ACTL8: variants seen among roughly 807,000 people sequenced by gnomAD.
ACTL8 encodes actin like 8, also known as actin-like protein 8.
ACTL8 carries 3 observed loss-of-function variants against 9.3 expected under a neutral mutation model. The ratio of observed to expected loss-of-function variants is 0.32; its 90% CI spans 0.15 to 0.83. ACTL8 has a LOEUF of 0.83. Ranked by LOEUF, ACTL8 falls within the 40% of genes least tolerant of loss-of-function variation. ACTL8 has a pLI of 0.57. For missense variants in ACTL8, 381 were observed against 492.2 expected (o/e 0.77, Z 2.14); for synonymous variants, 224 against 205.9 (o/e 1.09, Z -0.75).
At chr1:17,802,718 C>T (rs1449801488) in intron 1 of ACTL8, among the ~76,000 whole-genome samples, 8 of 152,154 alleles carry the variant, frequency 5.3e-5, no homozygotes, top group African/African-American at 1.9e-4. Flanking sequence ...CATGGCGGCT[C>T]ATACCTGTAA....
At position 17,768,954 on chromosome 1, in the gene ACTL8, A is replaced by G. The variant is rs932768140; in HGVS notation, c.-25+13450A>G. Among the ~76,000 whole-genome samples, 5 of 152,266 alleles carry G rather than the reference A, an allele frequency of 3.3e-5. No homozygotes were observed. The East Asian group carries it at 9.6e-4, about 29-fold the overall frequency. ...ACATCCCTCCTATGTGCCTGACACTATACTAATAGTGCTTTGTTGTAGCCT... is the reference window on the plus strand; with the variant it reads ...ACATCCCTCCTATGTGCCTGACACTGTACTAATAGTGCTTTGTTGTAGCCT... On this transcript the variant is annotated intron_variant, in intron 1 of 2. Coordinates refer to ENST00000375406, the MANE Select transcript of ACTL8 (RefSeq NM_030812.3).
At chr1:17,817,010 A>AT (rs2066430519) in intron 1 of ACTL8, among the ~76,000 whole-genome samples, 1 of 151,410 alleles carries the variant, frequency 6.6e-6, no homozygotes, top group African/African-American at 2.4e-5. Flanking sequence ...TCTGCCTGTT[A>AT]TTTTTTTCAC....
At chr1:17,800,583 CTTTTTTTTTTTTTTT>C (rs59143238) in intron 1 of ACTL8, among the ~76,000 whole-genome samples, 3 of 69,168 alleles carry the variant, frequency 4.3e-5, no homozygotes, top group South Asian at 1.2e-3. Context: ...TGGTGTCAAT[CTTTTTTTTTTTTTTT>C]TTTTTTTTTT....
chr1:17,805,009 G>C (rs1238727109), intron 1 of ACTL8, among the ~76,000 whole-genome samples: 1 of 152,084 alleles, frequency 6.6e-6, no homozygotes, highest in Non-Finnish European at 1.5e-5. Flanking sequence ...GAAACCTTCA[G>C]TGGCTCTCCG....
At chr1:17,791,918 C>A (rs1264293569) in intron 1 of ACTL8, among the ~76,000 whole-genome samples, 2 of 152,170 alleles carry the variant, frequency 1.3e-5, no homozygotes, top group African/African-American at 4.8e-5. Flanking sequence ...CAACTGAAGC[C>A]GGGACTCCCA....
chr1:17,769,601 C>T (rs767298378), intron 1 of ACTL8, among the ~76,000 whole-genome samples: 11 of 152,050 alleles, frequency 7.2e-5, no homozygotes, highest in Non-Finnish European at 1.3e-4. Context: ...TGGTGGTGAT[C>T]GTGGCAGGGT....
At chr1:17,781,199 T>A (rs1176698541) in intron 1 of ACTL8, among the ~76,000 whole-genome samples, 2 of 151,790 alleles carry the variant, frequency 1.3e-5, no homozygotes, top group Non-Finnish European at 2.9e-5. Context: ...GTCTGTGTTC[T>A]TTCCCCTTCT....
At chr1:17,766,207 T>C (rs143140998) in intron 1 of ACTL8, among the ~76,000 whole-genome samples, 56 of 152,280 alleles carry the variant, frequency 3.7e-4, no homozygotes, top group African/African-American at 1.3e-3. Flanking sequence ...GCTTTGCAAA[T>C]GTAGTGACTA....
At chr1:17,769,293 G>A (rs1379959924) in intron 1 of ACTL8, among the ~76,000 whole-genome samples, 1 of 152,186 alleles carries the variant, frequency 6.6e-6, no homozygotes, top group Non-Finnish European at 1.5e-5. Context: ...TGTAGGGAGA[G>A]GGTCTGGGGA....
intron 1 of ACTL8, among the ~76,000 whole-genome samples, chr1:17,798,339 G>GAA (rs1396632244): frequency 6.6e-6 from 1 of 152,160 alleles, no homozygotes; most frequent in Non-Finnish European, 1.5e-5. Context: ...TGCAGAATTA[G>GAA]AATAGGTGAC....
chr1:17,769,959 G>A (rs1013471567), intron 1 of ACTL8, among the ~76,000 whole-genome samples: 1 of 152,186 alleles, frequency 6.6e-6, no homozygotes, highest in African/African-American at 2.4e-5. Context: ...GCAGTGTCTG[G>A]ATTATTTGGG....
intron 1 of ACTL8, among the ~76,000 whole-genome samples, chr1:17,801,786 C>A (rs939477534): frequency 5.9e-5 from 9 of 152,054 alleles, no homozygotes; most frequent in Non-Finnish European, 1.0e-4. Flanking sequence ...AAATACAAAT[C>A]AGTATGAATT....
chr1:17,826,651 A>G lies in ACTL8; in HGVS notation c.*132A>G. ...CTGGCTTTGGAATTCTAGGGGCATG[A>G]GGGTATTTTTTAGGTTCTAAGGTTT... On this transcript the variant is annotated 3_prime_UTR_variant, in exon 3 of 3. Transcript: ENST00000375406. This position sits in a 1 kb window ranked among gnomAD's most constrained non-coding sequence, Gnocchi z 4.5. 1.1e-6 allele frequency: 1 copy of G among 948,220 alleles called. No individual in the cohort carries two copies. Among genetic ancestry groups the G allele is most frequent in the Non-Finnish European group, 1.5e-6 (1 of 671,926 alleles). 58.7% of individuals were successfully genotyped at this position (948,220 alleles called of 1,614,324 possible).
chr1:17,817,646 C>T (rs2066434939), intron 1 of ACTL8, among the ~76,000 whole-genome samples: 1 of 152,106 alleles, frequency 6.6e-6, no homozygotes, highest in Admixed American at 6.6e-5. Context: ...AAATCTTTGT[C>T]TACACTACAT....
intron 1 of ACTL8, among the ~76,000 whole-genome samples, chr1:17,805,018 C>A (rs1008654326): frequency 6.6e-6 from 1 of 152,144 alleles, no homozygotes; most frequent in Non-Finnish European, 1.5e-5. Flanking sequence ...AGTGGCTCTC[C>A]GTCTCCCTAG....
chr1:17,758,207 G>C (rs2065979740), intron 1 of ACTL8, among the ~76,000 whole-genome samples: 1 of 152,182 alleles, frequency 6.6e-6, no homozygotes, highest in South Asian at 2.1e-4. Flanking sequence ...TGGAGTAGCA[G>C]ATACCGAGGG....
At chr1:17,825,672 G>GA in intron 2 of ACTL8, 95 bp from the exon 3 acceptor site, 1 of 1,483,064 alleles carries the variant, frequency 6.7e-7, no homozygotes, top group Non-Finnish European at 9.0e-7. Flanking sequence ...GGCAGCCCGA[G>GA]AGTCCCCCCG....
At chr1:17,756,519 C>T (rs1266260573) in intron 1 of ACTL8, among the ~76,000 whole-genome samples, 1 of 152,168 alleles carries the variant, frequency 6.6e-6, no homozygotes, top group Admixed American at 6.5e-5. Flanking sequence ...TACTCCTTAT[C>T]AGTCAATTTC....
chr1:17,757,590 A>G (rs984665418), intron 1 of ACTL8, among the ~76,000 whole-genome samples: 9 of 151,414 alleles, frequency 5.9e-5, no homozygotes, highest in Non-Finnish European at 7.4e-5. Context: ...GCTGGAGCAG[A>G]TGCTGTTCTC....
Sources: gnomAD v4.1 joint callset for allele counts (sites outside exome capture counted in the v4.1 genomes callset) on GRCh38, gnomAD v4.1.1 for gene constraint, Gnocchi (gnomAD v3.1) non-coding constraint, MANE v1.5 for transcripts, NCBI Gene and HGNC (gene_info 2026-07-23, HGNC 2026-07-21) for gene names.